Variants in DRD3 observed in about 807,000 individuals in gnomAD.
The protein encoded by DRD3 is dopamine receptor D3.
In DRD3, 19 loss-of-function variants were observed where a neutral mutation model predicts 36.3. That is an observed-to-expected ratio of 0.52 (90% CI 0.36 to 0.77). The LOEUF (loss-of-function observed/expected upper bound fraction) is 0.77, where lower values mean the gene tolerates loss of function less well. Ranked by LOEUF, DRD3 falls within the 30% of genes least tolerant of loss-of-function variation. The pLI is 0.00. For missense variants in DRD3, 465 were observed against 505.3 expected, an observed-to-expected ratio of 0.92 and a Z score of 0.77; for synonymous variants, 195 against 203.7, an observed-to-expected ratio of 0.96 and a Z score of 0.36.
At chr3:114,151,261 C>G (rs184862267) in intron 3 of DRD3, among the ~76,000 whole-genome samples, 89 of 152,256 alleles carry the variant, frequency 5.8e-4, no homozygotes, top group African/African-American at 2.1e-3. Flanking sequence ...AGGGGCTGAG[C>G]CTTGAGTCCT....
upstream of DRD3, chr3:114,179,187 T>C (rs1577627509): frequency 6.6e-6 from 1 of 152,204 alleles, no homozygotes; most frequent in Non-Finnish European, 1.5e-5. Context: ...TTTAATTGCC[T>C]TTCCAGATTT....
chr3:114,162,328 T>C (rs976150462), intron 2 of DRD3, among the ~76,000 whole-genome samples: 1 of 152,194 alleles, frequency 6.6e-6, no homozygotes, highest in Non-Finnish European at 1.5e-5. Flanking sequence ...GAATTTGTTT[T>C]TATTGTATGT....
intron 4 of DRD3, among the ~76,000 whole-genome samples, chr3:114,146,772 G>A (rs1457212313): frequency 1.3e-5 from 2 of 150,798 alleles, no homozygotes; most frequent in African/African-American, 4.9e-5. Flanking sequence ...TACAAACACA[G>A]AAGGCACTGA....
Position 114,128,792 on chromosome 3 carries a change from C to T in DRD3, c.1127G>A (p.Ser376Asn). ...SATTWLGYVN[S>N]ALNPVIYTTF... ...GGTATAGATCACAGGGTTGAGGGCGCTATTCACGTAGCCCAGCCATGTCGT... is the reference window on the plus strand; with the variant it reads ...GGTATAGATCACAGGGTTGAGGGCGTTATTCACGTAGCCCAGCCATGTCGT... The change falls in exon 7 of 7, where the codon AGC becomes AAC. Residue 376 changes from serine to asparagine, a missense_variant. Transcript: ENST00000383673. 6.2e-7 allele frequency: 1 copy of T among 1,613,980 alleles called. No individual in the cohort carries two copies. The highest frequency in any genetic ancestry group is 8.5e-7 in the Non-Finnish European group (1 of 1,179,982).
intron 1 of DRD3, among the ~76,000 whole-genome samples, chr3:114,178,314 A>T (rs2077920912): frequency 6.6e-6 from 1 of 152,218 alleles, no homozygotes. Context: ...CTTACAATTA[A>T]GTAAAATCCT....
intron 2 of DRD3, among the ~76,000 whole-genome samples, chr3:114,164,348 G>T (rs962413306): frequency 6.6e-6 from 1 of 151,072 alleles, no homozygotes; most frequent in Non-Finnish European, 1.5e-5. Flanking sequence ...ACAGCAACCA[G>T]GTGGTGTTAC....
chr3:114,168,630 G>A (rs60730451), intron 2 of DRD3, among the ~76,000 whole-genome samples: 31,197 of 151,836 alleles, frequency 0.21, 3,347 homozygotes, highest in Admixed American at 0.29. Context: ...CATGGTGCTG[G>A]GGGCTATGGC....
chr3:114,135,093 C>A (rs895970131), intron 5 of DRD3, among the ~76,000 whole-genome samples: 33 of 152,328 alleles, frequency 2.2e-4, no homozygotes, highest in African/African-American at 7.5e-4. Context: ...CCATCTCCTT[C>A]CTAGCCTCTG....
intron 4 of DRD3, among the ~76,000 whole-genome samples, chr3:114,142,872 A>G (rs1292488318): frequency 2.0e-5 from 3 of 152,202 alleles, no homozygotes; most frequent in African/African-American, 7.2e-5. Context: ...TCCCTTTCTT[A>G]GATCAAGCAT....
At chr3:114,146,975 T>G (rs1456761823) in intron 4 of DRD3, among the ~76,000 whole-genome samples, 1 of 152,214 alleles carries the variant, frequency 6.6e-6, no homozygotes, top group Non-Finnish European at 1.5e-5. Context: ...TTGGAAATTA[T>G]TCTTATTGAG....
chr3:114,138,050 T>A, intron 5 of DRD3, among the ~76,000 whole-genome samples: 1 of 142,706 alleles, frequency 7.0e-6, no homozygotes, highest in Admixed American at 7.1e-5. Context: ...GCACCTGTAA[T>A]CCCAGCTATT....
At chr3:114,143,788 A>G (rs1279645091) in intron 4 of DRD3, among the ~76,000 whole-genome samples, 1 of 152,206 alleles carries the variant, frequency 6.6e-6, no homozygotes, top group East Asian at 1.9e-4. Context: ...AAGGAAAATC[A>G]AGCCAGCTGA....
In DRD3 at chr3:114,147,555, T is replaced by C. The variant is rs1263745324; in HGVS notation, c.386A>G (p.Tyr129Cys). ...GTGAACGGGCATGACCACTGCAGTG[T>C]ACCTGAAAAAGCAAGGGGAGAGGGG... ...LNLCAISIDR[Y>C]TAVVMPVHYQ... Residue 129 changes from tyrosine (Y) to cysteine (C), a missense_variant and splice_region_variant, in exon 4 of 7, where the codon TAC becomes TGC. Tyr to Cys is a radical substitution (Grantham distance 194). Transcript: ENST00000383673. 1 of 1,606,938 alleles carries C rather than the reference T, an allele frequency of 6.2e-7. No individual in the cohort carries two copies. The highest frequency in any genetic ancestry group is 1.3e-5 in the African/African-American group (1 of 74,740).
At chr3:114,187,379 A>C (rs1354348) in intron 1 of DRD3, among the ~76,000 whole-genome samples, 11,223 of 152,240 alleles carry the variant, frequency 0.074, 585 homozygotes, top group African/African-American at 0.14. Context: ...AGCATGTATA[A>C]AGTATATCTG....
At chr3:114,152,995 C>T (rs1009098492) in intron 3 of DRD3, among the ~76,000 whole-genome samples, 2 of 152,260 alleles carry the variant, frequency 1.3e-5, no homozygotes, top group Admixed American at 1.3e-4. Context: ...CAGGGACCCT[C>T]CCCTTGTGTC....
In DRD3 at chr3:114,162,348, G is replaced by A. The variant is rs2077741618; in HGVS notation, c.271-2481C>T. 2.6e-5 allele frequency among the ~76,000 whole-genome samples: 4 copies of A among 152,156 alleles called. No homozygotes were observed. In the South Asian group the frequency reaches 6.2e-4, roughly 24 times the overall value. On this transcript the variant is annotated intron_variant, in intron 2 of 6. Transcript: ENST00000383673. ...TGTTTTTATTGTATGTGTTCTTAAAGCTTTTTGAAGACAAGTTATACATTT... is the reference window on the plus strand; with the variant it reads ...TGTTTTTATTGTATGTGTTCTTAAAACTTTTTGAAGACAAGTTATACATTT...
chr3:114,198,161 A>G (rs1424332463), intron 1 of DRD3, among the ~76,000 whole-genome samples: 1 of 151,824 alleles, frequency 6.6e-6, no homozygotes, highest in Admixed American at 6.6e-5. Flanking sequence ...CTTTTGTCAG[A>G]TGTATCTTTA....
intron 1 of DRD3, among the ~76,000 whole-genome samples, chr3:114,196,667 G>T (rs1307448656): frequency 2.0e-5 from 3 of 152,164 alleles, no homozygotes; most frequent in Non-Finnish European, 4.4e-5. Flanking sequence ...TTAAATTTTA[G>T]TCATACTAAT....
intron 5 of DRD3, among the ~76,000 whole-genome samples, chr3:114,133,345 G>A (rs117280619): frequency 6.6e-6 from 1 of 152,276 alleles, no homozygotes; most frequent in East Asian, 1.9e-4. Flanking sequence ...AAATAATACG[G>A]TGTTTAGTAT....
Sources: gnomAD v4.1 joint callset for allele counts (sites outside exome capture counted in the v4.1 genomes callset) on GRCh38, gnomAD v4.1.1 for gene constraint, MANE v1.5 for transcripts, NCBI Gene and HGNC (gene_info 2026-07-23, HGNC 2026-07-21) for gene names.